Variants in LRRK1 observed in about 807,000 individuals in gnomAD.
The protein encoded by LRRK1 is leucine-rich repeat serine/threonine-protein kinase 1.
LRRK1 carries 113 observed loss-of-function variants against 209.1 expected under a neutral mutation model. The observed-to-expected ratio is 0.54, with a 90% CI of 0.46 to 0.63. LRRK1 has a LOEUF of 0.63. Ranked by LOEUF, LRRK1 falls within the 30% of genes least tolerant of loss-of-function variation. LRRK1 has a pLI of 0.00. For synonymous variants in LRRK1, 1,144 were observed against 1,099.7 expected (o/e 1.04, Z -0.80); for missense variants, 2,284 against 2,632.2 (o/e 0.87, Z 2.89).
In LRRK1 at chr15:101,018,534, C is replaced by A. The variant is rs1445608666; in HGVS notation, c.1610-2519C>A. Reference sequence around the variant, plus strand: ...GAAACGTGTCTCCAGTTTAGAAATGCCGAATCCTTCCTGGGACCACGGAGG... The same window carrying A: ...GAAACGTGTCTCCAGTTTAGAAATGACGAATCCTTCCTGGGACCACGGAGG... On this transcript the variant is annotated intron_variant, in intron 12 of 33. Coordinates refer to ENST00000388948, the MANE Select transcript of LRRK1 (RefSeq NM_024652.6). 2.0e-5 allele frequency among the ~76,000 whole-genome samples: 3 copies of A among 152,058 alleles called. No individual in the cohort carries two copies. In the East Asian group the frequency reaches 5.8e-4, roughly 29 times the overall value.
In LRRK1 at chr15:101,046,028, A is replaced by G. The variant is rs764652283; in HGVS notation, c.3011A>G (p.His1004Arg). 8 of 1,613,940 alleles carry G rather than the reference A, an allele frequency of 5.0e-6. No individual in the cohort carries two copies. The highest frequency in any genetic ancestry group is 1.3e-5 in the African/African-American group (1 of 74,872). ...LLPSKPGLDT[H>R]GMRHPTANTI... The stretch of plus-strand genomic sequence containing the variant: ...CCATCTAAACCTGGCCTGGACACCC[A>G]CGGTATGCGGCACCCCACAGCCAAC... Residue 1004 changes from histidine (H) to arginine (R), a missense_variant, in exon 21 of 34, where the codon CAC becomes CGC. Transcript: ENST00000388948.
chr15:100,990,164 G>A lies in LRRK1; in HGVS notation c.762+766G>A, dbSNP rs546132230. ...ATTTTAATAACAAAAATATTATTGC[G>A]TTATTTACATTGTCTTCAACTTGGC... On this transcript the variant is annotated intron_variant, in intron 6 of 33. Coordinates refer to ENST00000388948, the MANE Select transcript of LRRK1 (RefSeq NM_024652.6). 2.2e-4 allele frequency among the ~76,000 whole-genome samples: 34 copies of A among 152,034 alleles called. No individual in the cohort carries two copies. In the East Asian group the frequency reaches 4.4e-3, roughly 20 times the overall value.
At position 101,074,017 on chromosome 15, in the gene LRRK1, TG is replaced by T. The variant is rs1214843187; in HGVS notation, c.*5172del. 3 of 152,132 alleles carry T rather than the reference TG, an allele frequency of 2.0e-5. No individual in the cohort carries two copies. In the East Asian group the frequency reaches 5.8e-4, roughly 29 times the overall value. 9.4% of individuals were successfully genotyped at this position (152,132 alleles called of 1,614,324 possible). A position where few individuals can be genotyped will look rare whatever the true frequency, so the allele number is the denominator to read the frequency against. On this transcript the variant is annotated 3_prime_UTR_variant, in exon 34 of 34. Transcript: ENST00000388948. ...GATCTAAATAATTCTTGTCGTAAAA[TG>T]GGCAAATGGTCTGAGGTGCCTGACG...
At chr15:101,025,938 A>T in intron 16 of LRRK1, 27 bp from the exon 17 acceptor site, 1 of 1,612,938 alleles carries the variant, frequency 6.2e-7, no homozygotes, top group Non-Finnish European at 8.5e-7. Context: ...CAGAGACAGT[A>T]CTCAGCCGTG....
Position 101,065,376 on chromosome 15 carries a change from C to T in LRRK1, c.4939C>T (p.Leu1647Phe). ...GAATTCCTACCTGGTCTTAGCGGGC[C>T]TCGCCGATGGGCTTGTGGCTGTGTT... ...KKNSYLVLAG[L>F]ADGLVAVFPV... is the part of the protein sequence containing the mutation. The change falls in exon 32 of 34, where the codon CTC becomes TTC. Residue 1647 changes from leucine (L) to phenylalanine (F), a missense_variant. Leu to Phe is a conservative substitution (Grantham distance 22). Around this residue, in one of 6 missense-constraint regions of LRRK1, gnomAD observed 643 missense variants for 695.9 expected, o/e 0.92. Coordinates refer to ENST00000388948, the MANE Select transcript of LRRK1 (RefSeq NM_024652.6). 6.2e-7 allele frequency: 1 copy of T among 1,613,926 alleles called. No individual in the cohort carries two copies. The highest frequency in any genetic ancestry group is 8.5e-7 in the Non-Finnish European group (1 of 1,179,992).
chr15:101,027,200 A>C lies in LRRK1; in HGVS notation c.2406-61A>C, dbSNP rs1260271042. 2 of 1,595,056 alleles carry C rather than the reference A, an allele frequency of 1.3e-6. No homozygotes were observed. Among genetic ancestry groups the C allele is most frequent in the Non-Finnish European group, 1.7e-6 (2 of 1,169,386 alleles). On this transcript the variant is annotated intron_variant, in intron 17 of 33. Coordinates refer to ENST00000388948, the MANE Select transcript of LRRK1 (RefSeq NM_024652.6). This position sits in a 1 kb window ranked among gnomAD's most constrained non-coding sequence, Gnocchi z 5.1. ...GGACAAACCTCTCAGGGAAACAGAG[A>C]AGCAGCAGCGCTTCCTCGGAGTGGG...
Position 100,973,914 on chromosome 15 carries a change from G to C in LRRK1, c.208G>C (p.Ala70Pro). Residue 70 changes from alanine to proline, a missense_variant, in exon 3 of 34, where the codon GCC (alanine) becomes CCC (proline). Physicochemically the swap from Ala to Pro is conservative, Grantham distance 27 (BLOSUM62 -1). Transcript: ENST00000388948. The part of the protein sequence containing the change: ...AAYRRGDRGG[A>P]RDLLEEACDQ... ...GTACAGGCGGGGAGACCGCGGCGGC[G>C]CCCGGGACCTGCTGGAGGAGGCCTG... is the stretch of plus-strand genomic sequence containing the variant. The C allele has an allele frequency of 7.9e-7, 1 of 1,266,092 alleles. No individual in the cohort carries two copies. 78.4% of individuals were successfully genotyped at this position (1,266,092 alleles called of 1,614,324 possible).
chr15:101,062,633 G>C lies in LRRK1; in HGVS notation c.4857G>C (p.Gln1619His), dbSNP rs756045028. The change falls in exon 31 of 34, where the codon CAG (glutamine) becomes CAC (histidine). Residue 1619 changes from glutamine to histidine, a missense_variant. This residue lies in a region of LRRK1 where 643 missense variants were observed against 695.9 expected (regional missense o/e 0.92). Transcript: ENST00000388948. ...KGMCPLNTPQ[Q>H]ALDTPAVVTC... ...TGTGCCCCTTAAACACACCCCAACAGGCCTTGGATACTCCAGCTGTCGTCA... is the reference window on the plus strand; with the variant it reads ...TGTGCCCCTTAAACACACCCCAACACGCCTTGGATACTCCAGCTGTCGTCA... The C allele has an allele frequency of 6.8e-6, 11 of 1,614,082 alleles. No homozygotes were observed. The highest frequency in any genetic ancestry group is 1.3e-5 in the African/African-American group (1 of 74,926).
At position 101,049,797 on chromosome 15, in the gene LRRK1, C is replaced by T. The variant is rs2035297979; in HGVS notation, c.3439+14C>T. ...AGTGGTTTCCCGGTAAGAGGAGATG[C>T]TAGAAGCAAGCCCTCATTCATGCTA... is the stretch of plus-strand genomic sequence containing the variant. On this transcript the variant is annotated intron_variant, in intron 23 of 33. Coordinates refer to ENST00000388948, the MANE Select transcript of LRRK1 (RefSeq NM_024652.6). 1.2e-6 allele frequency: 2 copies of T among 1,609,274 alleles called. No homozygotes were observed. Among genetic ancestry groups the T allele is most frequent in the Non-Finnish European group, 1.7e-6 (2 of 1,177,570 alleles).
chr15:101,010,371 C>T, intron 7 of LRRK1, 79 bp from the exon 8 acceptor site: 5 of 1,513,904 alleles, frequency 3.3e-6, no homozygotes, highest in Non-Finnish European at 4.5e-6. Flanking sequence ...AAATACACCT[C>T]TTGGTTTATA....
chr15:100,934,345 C>T (rs945544967), intron 2 of LRRK1, among the ~76,000 whole-genome samples: 6 of 152,268 alleles, frequency 3.9e-5, no homozygotes, highest in African/African-American at 1.4e-4. Flanking sequence ...TAAGCCCCAG[C>T]TTTGTGTTTG....
chr15:101,078,203 C>T lies in LRRK1; in HGVS notation c.*9355C>T, dbSNP rs557995437. 3.3e-5 allele frequency: 5 copies of T among 152,390 alleles called. No individual in the cohort carries two copies. The highest frequency in any genetic ancestry group is 1.9e-4 in the East Asian group (1 of 5,188). 9.4% of individuals were successfully genotyped at this position (152,390 alleles called of 1,614,324 possible). On this transcript the variant is annotated 3_prime_UTR_variant, in exon 34 of 34. Transcript: ENST00000388948. ...CATCTCCCTGCACTGACTCTCTTTT[C>T]GGACTCAGCCCGCCTGCACCCAGGT...
chr15:101,008,816 T>C, intron 6 of LRRK1, 21 bp from the exon 7 acceptor site: 1 of 1,585,846 alleles, frequency 6.3e-7, no homozygotes, highest in Admixed American at 1.7e-5. Flanking sequence ...ACATGTGCTT[T>C]TCCTTTCTTT....
At position 101,024,921 on chromosome 15, in the gene LRRK1, G is replaced by T; in HGVS notation, c.2186G>T (p.Gly729Val). 6.2e-7 allele frequency: 1 copy of T among 1,614,102 alleles called. No homozygotes were observed. Among genetic ancestry groups the T allele is most frequent in the South Asian group, 1.1e-5 (1 of 91,086 alleles). The change falls in exon 16 of 34, where the codon GGG (glycine) becomes GTG (valine). Residue 729 changes from glycine (G) to valine (V), a missense_variant. Gly to Val is a moderately radical substitution (Grantham distance 109). Around this residue, in one of 6 missense-constraint regions of LRRK1, gnomAD observed 780 missense variants for 985.2 expected, o/e 0.79. Coordinates refer to ENST00000388948, the MANE Select transcript of LRRK1 (RefSeq NM_024652.6). The surrounding 1 kb of genome is among the most constrained non-coding windows in gnomAD (Gnocchi z 4.6). ...LYVVVWNLAL[G>V]EEAVANLQFW... The stretch of plus-strand genomic sequence containing the variant: ...GTGGTGGTCTGGAACCTGGCGCTGG[G>T]GGAGGAGGCCGTGGCCAACCTCCAG...
chr15:101,050,353 T>G (rs2035341655), intron 23 of LRRK1, among the ~76,000 whole-genome samples: 1 of 152,230 alleles, frequency 6.6e-6, no homozygotes, highest in African/African-American at 2.4e-5. Context: ...GTGAAGTTCC[T>G]GAGGCCTCCT....
At chr15:101,009,100 C>T (rs954437073) in intron 7 of LRRK1, 37 bp downstream of exon 7, 1 of 1,469,972 alleles carries the variant, frequency 6.8e-7, no homozygotes, top group East Asian at 2.3e-5. Flanking sequence ...CGTGTGTGAC[C>T]CCGCTGTCAC....
chr15:101,046,082 T>G lies in LRRK1; in HGVS notation c.3065T>G (p.Phe1022Cys). The change falls in exon 21 of 34, where the codon TTC becomes TGC. Residue 1022 changes from phenylalanine to cysteine, a missense_variant. Physicochemically the swap from Phe to Cys is radical, Grantham distance 205. Coordinates refer to ENST00000388948, the MANE Select transcript of LRRK1 (RefSeq NM_024652.6). ...ATTCAGAGGGTATTTAAGATGAGCTTCGTTCCCGTTGGCTTCTGGCAAAGG... is the reference window on the plus strand; with the variant it reads ...ATTCAGAGGGTATTTAAGATGAGCTGCGTTCCCGTTGGCTTCTGGCAAAGG... ...NTIQRVFKMSFVPVGFWQRFI... is the reference protein window; with the variant it reads ...NTIQRVFKMSCVPVGFWQRFI... The G allele has an allele frequency of 6.2e-7, 1 of 1,614,240 alleles. No individual in the cohort carries two copies. The highest frequency in any genetic ancestry group is 8.5e-7 in the Non-Finnish European group (1 of 1,180,044).
At chr15:100,965,502 A>G (rs1440531483) in intron 2 of LRRK1, among the ~76,000 whole-genome samples, 1 of 152,168 alleles carries the variant, frequency 6.6e-6, no homozygotes, top group Non-Finnish European at 1.5e-5. Context: ...GAAGACTAAC[A>G]CTTATCAACA....
At chr15:101,001,308 C>T (rs2032675665) in intron 6 of LRRK1, among the ~76,000 whole-genome samples, 1 of 152,174 alleles carries the variant, frequency 6.6e-6, no homozygotes, top group Non-Finnish European at 1.5e-5. Context: ...TGCACAGACG[C>T]TCTCTGCAGC....
Sources: gnomAD v4.1 joint callset for allele counts (sites outside exome capture counted in the v4.1 genomes callset) on GRCh38, gnomAD v4.1.1 for gene constraint, gnomAD v4.1.1 regional missense constraint, Gnocchi (gnomAD v3.1) non-coding constraint, MANE v1.5 for transcripts, NCBI Gene and HGNC (gene_info 2026-07-23, HGNC 2026-07-21) for gene names.